SLC35B3: variants seen among roughly 807,000 people sequenced by gnomAD.
The protein encoded by SLC35B3 is adenosine 3'-phospho 5'-phosphosulfate transporter 2.
A neutral mutation model predicts 44.1 loss-of-function variants in SLC35B3; 35 were observed. The observed-to-expected ratio is 0.79, with a 90% CI of 0.61 to 1.05. The LOEUF is 1.05. Among genes scored for constraint, SLC35B3 ranks in the 50% least tolerant of loss-of-function variants. The pLI, the probability that SLC35B3 is intolerant of heterozygous loss-of-function variation, is 0.00. For synonymous variants in SLC35B3, 146 were observed against 167.3 expected (o/e 0.87, Z 0.98); for missense variants, 414 against 476.4 (o/e 0.87, Z 1.22).
chr6:8,416,842 T>C (rs750374022), intron 9 of SLC35B3, 42 bp downstream of exon 8: 4 of 1,017,062 alleles, frequency 3.9e-6, no homozygotes, highest in Non-Finnish European at 4.4e-6. Flanking sequence ...AGAGAAAATG[T>C]AAATGCTTAT....
At position 8,419,925 on chromosome 6, in the gene SLC35B3, C is replaced by T. The variant is rs561749485; in HGVS notation, c.683-248G>A. Among the ~76,000 whole-genome samples the T allele has an allele frequency of 9.2e-5, 14 of 151,720 alleles. No homozygotes were observed. Among genetic ancestry groups the T allele is most frequent in the Non-Finnish European group, 1.9e-4 (13 of 67,942 alleles). ...CATATCACATTTCACATTTCAATAG[C>T]GTATTAAATAACAGTTCCATAAATA... On this transcript the variant is annotated intron_variant, in intron 6 of 10. Coordinates refer to ENST00000644923, the MANE Select transcript of SLC35B3 (RefSeq NM_001370476.2). This position sits in a 1 kb window ranked among gnomAD's most constrained non-coding sequence, Gnocchi z 4.3.
intron 3 of SLC35B3, 197 bp downstream of exon 2, chr6:8,429,667 C>G: frequency 2.3e-6 from 1 of 437,378 alleles, no homozygotes; most frequent in Non-Finnish European, 4.0e-6. Context: ...TCTACATATG[C>G]CTCCTCCCCA....
intron 7 of SLC35B3, chr6:8,418,921 A>G: frequency 5.6e-6 from 1 of 178,946 alleles, no homozygotes; most frequent in South Asian, 9.1e-5. Context: ...GCTAGTCCTA[A>G]CAGATAATAA....
chr6:8,429,993 T>G lies in SLC35B3; in HGVS notation c.168A>C (p.Ser56=). 1 of 1,613,970 alleles carries G rather than the reference T, an allele frequency of 6.2e-7. No individual in the cohort carries two copies. ...CGTCGTCAACTGACTTGATGTGTGG[T>G]GACATTGTTTGGGTTTTGGATGGCA... Residue 56 remains serine (S), a synonymous_variant, in exon 3 of 11, where the codon TCA becomes TCC. Transcript: ENST00000644923.
At chr6:8,427,856 G>A (rs534369404) in intron 4 of SLC35B3, 81 bp downstream of exon 3, 16 of 1,232,110 alleles carry the variant, frequency 1.3e-5, no homozygotes, top group Non-Finnish European at 1.7e-5. Context: ...GTTAATAGAA[G>A]TATAAATTTC....
At position 8,419,651 on chromosome 6, in the gene SLC35B3, A is replaced by G. The variant is rs765968010; in HGVS notation, c.709T>C (p.Cys237Arg). 1.2e-5 allele frequency: 19 copies of G among 1,551,510 alleles called. No homozygotes were observed. The highest frequency in any genetic ancestry group is 3.6e-5 in the Admixed American group (2 of 55,732). Residue 237 changes from cysteine (C) to arginine (R), a missense_variant, in exon 7 of 11, where the codon TGT becomes CGT. Cys to Arg is a radical substitution (Grantham distance 180). Coordinates refer to ENST00000644923, the MANE Select transcript of SLC35B3 (RefSeq NM_001370476.2). The surrounding 1 kb of genome is among the most constrained non-coding windows in gnomAD (Gnocchi z 4.3). ...ACATTTCCAATGACGGCATCTGCAC[A>G]TAGTGCCAGGGAAATAAGCACCACA...
At position 8,429,929 on chromosome 6, in the gene SLC35B3, G is replaced by A. The variant is rs866436116; in HGVS notation, c.232C>T (p.Leu78Phe). 4.3e-6 allele frequency: 7 copies of A among 1,611,280 alleles called. No individual in the cohort carries two copies. The African/African-American group carries it at 6.7e-5, about 15-fold the overall frequency. ...GCAACACATATGAAAAACTGAGTAA[G>A]TTTGTTAAACTTGCTGAGATTCATG... Residue 78 changes from leucine to phenylalanine, a missense_variant, in exon 3 of 11, where the codon CTT becomes TTT. Transcript: ENST00000644923.
intron 5 of SLC35B3, among the ~76,000 whole-genome samples, chr6:8,421,334 T>G (rs1762870847): frequency 6.6e-6 from 1 of 152,224 alleles, no homozygotes; most frequent in Non-Finnish European, 1.5e-5. Context: ...AAATGTAGTA[T>G]GACTTTTTTG....
In SLC35B3 at chr6:8,434,486, C is replaced by T; in HGVS notation, c.-43-56G>A. On this transcript the variant is annotated intron_variant, in intron 1 of 10. Coordinates refer to ENST00000644923, the MANE Select transcript of SLC35B3 (RefSeq NM_001370476.2). This position sits in a 1 kb window ranked among gnomAD's most constrained non-coding sequence, Gnocchi z 6.3. ...CAAAGTTCCATCTCATTTCTTTGTA[C>T]ACACATCATTACACAAAGGTGGAGA... is the stretch of plus-strand genomic sequence containing the variant. 1.4e-6 allele frequency: 2 copies of T among 1,460,374 alleles called. No individual in the cohort carries two copies. The highest frequency in any genetic ancestry group is 2.3e-5 in the East Asian group (1 of 43,474). The allele number at this position is 1,460,374 out of a possible 1,614,324, so 90.5% of individuals were successfully genotyped here. A position where few individuals can be genotyped will look rare whatever the true frequency, so the allele number is the denominator to read the frequency against.
Position 8,430,161 on chromosome 6 carries a change from G to T in SLC35B3, c.4-4C>A. ...CTTTTGCTTGCTGTGTCAAGTCCTA[G>T]AGAAGGAAATAAGCAATTAAAACAT... On this transcript the variant is annotated splice_region_variant and splice_polypyrimidine_tract_variant and intron_variant, in intron 2 of 10. Transcript: ENST00000644923. The T allele has an allele frequency of 1.3e-6, 2 of 1,547,952 alleles. No homozygotes were observed. The highest frequency in any genetic ancestry group is 1.3e-5 in the South Asian group (1 of 78,998).
In SLC35B3 at chr6:8,426,200, A is replaced by G. The variant is rs150236350; in HGVS notation, c.419+1737T>C. On this transcript the variant is annotated intron_variant, in intron 4 of 10. Coordinates refer to ENST00000644923, the MANE Select transcript of SLC35B3 (RefSeq NM_001370476.2). ...GGCGACCAGAGTGTTTCAAATTTCG[A>G]TTTTTTTCAGGTTTTGGAATATTTG... is the stretch of plus-strand genomic sequence containing the variant. Among the ~76,000 whole-genome samples the G allele has an allele frequency of 1.1e-3, 171 of 152,120 alleles. 4 individuals carry two copies. In the East Asian group the frequency reaches 0.028, roughly 25 times the overall value.
chr6:8,426,345 T>C (rs879116430), intron 4 of SLC35B3, among the ~76,000 whole-genome samples: 1 of 152,202 alleles, frequency 6.6e-6, no homozygotes, highest in African/African-American at 2.4e-5. Context: ...ATTTTTGATA[T>C]GGTTTGGCGC....
Position 8,413,775 on chromosome 6 carries a change from T to A in SLC35B3, c.1056-76A>T, listed in dbSNP as rs553731979. On this transcript the variant is annotated intron_variant, in intron 10 of 10. Coordinates refer to ENST00000644923, the MANE Select transcript of SLC35B3 (RefSeq NM_001370476.2). ...TACTATTAACCACAGAATTTGTTAA[T>A]ATGTCCATAATAATTCTTCAGTGAA... 44 of 915,258 alleles carry A rather than the reference T, an allele frequency of 4.8e-5. No homozygotes were observed. In the East Asian group the frequency reaches 1.1e-3, roughly 22 times the overall value. 56.7% of individuals were successfully genotyped at this position (915,258 alleles called of 1,614,324 possible).
At chr6:8,422,142 C>T (rs1762950721) in intron 5 of SLC35B3, among the ~76,000 whole-genome samples, 1 of 152,072 alleles carries the variant, frequency 6.6e-6, no homozygotes, top group African/African-American at 2.4e-5. Flanking sequence ...GTAGCTGAGA[C>T]TACATGGATA....
At position 8,435,329 on chromosome 6, in the gene SLC35B3, G is replaced by A. The variant is rs1304764643; in HGVS notation, c.-44+14C>T. ...GGGTCCCAAACACAGGAAAGGCCCC[G>A]AAGGCACGCGTACCCCAAGGCCGGT... On this transcript the variant is annotated intron_variant, in intron 1 of 10. Transcript: ENST00000644923. This position sits in a 1 kb window ranked among gnomAD's most constrained non-coding sequence, Gnocchi z 5.5. 2 of 1,289,286 alleles carry A rather than the reference G, an allele frequency of 1.6e-6. No individual in the cohort carries two copies. Among genetic ancestry groups the A allele is most frequent in the Non-Finnish European group, 2.0e-6 (2 of 988,850 alleles). 79.9% of individuals were successfully genotyped at this position (1,289,286 alleles called of 1,614,324 possible). A position where few individuals can be genotyped will look rare whatever the true frequency, so the allele number is the denominator to read the frequency against.
intron 2 of SLC35B3, among the ~76,000 whole-genome samples, chr6:8,430,857 C>T (rs1170258341): frequency 6.6e-6 from 1 of 151,890 alleles, no homozygotes; most frequent in African/African-American, 2.4e-5. Flanking sequence ...ATGATTGCAC[C>T]CCTGCACTCC....
chr6:8,427,431 C>T (rs1763521721), intron 4 of SLC35B3, among the ~76,000 whole-genome samples: 1 of 152,184 alleles, frequency 6.6e-6, no homozygotes, highest in Non-Finnish European at 1.5e-5. Flanking sequence ...TCATGGTGCA[C>T]ATTTTATATC....
At position 8,413,668 on chromosome 6, in the gene SLC35B3, C is replaced by T. The variant is rs1423591720; in HGVS notation, c.1087G>A (p.Gly363Ser). 2 of 1,571,318 alleles carry T rather than the reference C, an allele frequency of 1.3e-6. No individual in the cohort carries two copies. Among genetic ancestry groups the T allele is most frequent in the Admixed American group, 3.4e-5 (2 of 58,646 alleles). Residue 363 changes from glycine (G) to serine (S), a missense_variant, in exon 11 of 11, where the codon GGT becomes AGT. Coordinates refer to ENST00000644923, the MANE Select transcript of SLC35B3 (RefSeq NM_001370476.2). ...TTGCTGTAAACATTAAGAAATATAC[C>T]AAGGACAACTAACAAACCAGACCAT...
At chr6:8,430,501 G>A (rs1393611187) in intron 2 of SLC35B3, among the ~76,000 whole-genome samples, 1 of 152,068 alleles carries the variant, frequency 6.6e-6, no homozygotes, top group Non-Finnish European at 1.5e-5. Context: ...ATCTTCACTT[G>A]TAGAGGAGTA....
Sources: allele counts gnomAD v4.1 joint callset (sites outside exome capture counted in the v4.1 genomes callset), GRCh38; gene constraint gnomAD v4.1.1; non-coding constraint Gnocchi (gnomAD v3.1); transcripts MANE v1.5; gene names NCBI Gene and HGNC (gene_info 2026-07-23, HGNC 2026-07-21).